The following CDH12 variants were observed in gnomAD, a reference collection of about 807,000 sequenced individuals.
CDH12 encodes cadherin-12.
Under a neutral mutation model 74.1 loss-of-function variants are expected in CDH12, and 41 were observed. That is an observed-to-expected ratio of 0.55 (90% CI 0.43 to 0.72). The LOEUF is 0.72. Among genes scored for constraint, CDH12 ranks in the 30% least tolerant of loss-of-function variants. The pLI is 0.00. For missense variants in CDH12, 945 were observed against 977.2 expected (o/e 0.97, Z 0.44); for synonymous variants, 399 against 355.0 (o/e 1.12, Z -1.39).
chr5:22,573,816 T>C (rs781575549), intron 1 of CDH12, among the ~76,000 whole-genome samples: 8 of 152,082 alleles, frequency 5.3e-5, no homozygotes, highest in Admixed American at 1.3e-4. Context: ...CAATATGAAA[T>C]TGATATATTG....
At chr5:22,378,670 G>A (rs1741638192) in intron 3 of CDH12, among the ~76,000 whole-genome samples, 1 of 152,008 alleles carries the variant, frequency 6.6e-6, no homozygotes, top group Non-Finnish European at 1.5e-5. Flanking sequence ...CTATTGAGTT[G>A]TGTCTCTTTA....
intron 7 of CDH12, among the ~76,000 whole-genome samples, chr5:21,849,605 T>C (rs1227926425): frequency 6.6e-6 from 1 of 151,826 alleles, no homozygotes; most frequent in Non-Finnish European, 1.5e-5. Context: ...TGGCAACTTA[T>C]TTATTCTGGC....
intron 1 of CDH12, among the ~76,000 whole-genome samples, chr5:22,713,284 G>A (rs1274338184): frequency 2.0e-5 from 3 of 151,540 alleles, no homozygotes; most frequent in Non-Finnish European, 4.4e-5. Context: ...GGGACTACAG[G>A]CACAAACCAC....
chr5:21,860,438 G>C (rs775434532), intron 6 of CDH12, among the ~76,000 whole-genome samples: 6 of 149,954 alleles, frequency 4.0e-5, no homozygotes, highest in Non-Finnish European at 5.9e-5. Flanking sequence ...GACAAGAGGT[G>C]GACTTGTGAT....
intron 6 of CDH12, among the ~76,000 whole-genome samples, chr5:21,952,538 C>T (rs1407408919): frequency 6.6e-6 from 1 of 152,174 alleles, no homozygotes; most frequent in Non-Finnish European, 1.5e-5. Context: ...TTCCTGTATT[C>T]TTTCCTTCTG....
At chr5:22,263,238 G>A (rs1017980511) in intron 3 of CDH12, among the ~76,000 whole-genome samples, 2 of 152,066 alleles carry the variant, frequency 1.3e-5, no homozygotes, top group Non-Finnish European at 2.9e-5. Context: ...AAGCTTGAGT[G>A]TTTCATCTCA....
intron 1 of CDH12, among the ~76,000 whole-genome samples, chr5:22,560,559 G>A (rs954541676): frequency 6.6e-6 from 1 of 151,630 alleles, no homozygotes; most frequent in African/African-American, 2.4e-5. Context: ...AAAAGGTATT[G>A]CAATTTTTCA....
intron 1 of CDH12, among the ~76,000 whole-genome samples, chr5:22,823,333 T>C (rs1288530583): frequency 1.3e-4 from 19 of 151,624 alleles, no homozygotes; most frequent in Non-Finnish European, 2.5e-4. Flanking sequence ...TGTATACATA[T>C]GTAACAAACC....
intron 1 of CDH12, among the ~76,000 whole-genome samples, chr5:22,759,482 C>G (rs558452128): frequency 6.6e-6 from 1 of 152,194 alleles, no homozygotes; most frequent in East Asian, 1.9e-4. Context: ...CTGAATAGAT[C>G]TCTCATCAGG....
intron 1 of CDH12, among the ~76,000 whole-genome samples, chr5:22,676,191 T>C (rs919734599): frequency 4.6e-5 from 7 of 152,030 alleles, no homozygotes; most frequent in Non-Finnish European, 1.0e-4. Flanking sequence ...TTTTCTAATA[T>C]TTGATAAATA....
intron 4 of CDH12, among the ~76,000 whole-genome samples, chr5:22,154,193 G>C (rs1252537709): frequency 6.6e-6 from 1 of 150,578 alleles, no homozygotes; most frequent in Non-Finnish European, 1.5e-5. Flanking sequence ...CCACAATCAA[G>C]CTAGTTAACA....
rs34776687 is a variant in CDH12 at position 22,355,514 on chromosome 5, T to TAAA, written c.-333+49740_-333+49742dup. Among the ~76,000 whole-genome samples, 542 of 139,060 alleles carry TAAA rather than the reference T, an allele frequency of 3.9e-3. 3 individuals are homozygous for TAAA. Among genetic ancestry groups the TAAA allele is most frequent in the African/African-American group, 0.013 (482 of 36,416 alleles). 91.2% of individuals were successfully genotyped at this position (139,060 alleles called of 152,430 possible). ...AAGGAGAGAGATATATATATTTCCT[T>TAAA]AAAAAAAAAATATATATATATATAT... On this transcript the variant is annotated intron_variant, in intron 3 of 14. Transcript: ENST00000382254.
At chr5:21,793,024 G>C (rs1272358740) in intron 10 of CDH12, among the ~76,000 whole-genome samples, 1 of 151,676 alleles carries the variant, frequency 6.6e-6, no homozygotes, top group African/African-American at 2.4e-5. Context: ...TTTGACTCTA[G>C]GGACTTCAGA....
At chr5:21,800,374 C>T (rs1345518490) in intron 10 of CDH12, among the ~76,000 whole-genome samples, 4 of 151,990 alleles carry the variant, frequency 2.6e-5, no homozygotes, top group Non-Finnish European at 5.9e-5. Flanking sequence ...TATGTATCCC[C>T]CCAAAATTCA....
intron 2 of CDH12, among the ~76,000 whole-genome samples, chr5:22,460,713 ATT>A (rs3039460): frequency 8.3e-4 from 71 of 85,598 alleles, no homozygotes; most frequent in African/African-American, 3.1e-3. Context: ...ATATCTAGCA[ATT>A]TTTTTTTTTT....
chr5:22,160,282 C>T (rs1183297560), intron 4 of CDH12, among the ~76,000 whole-genome samples: 1 of 152,098 alleles, frequency 6.6e-6, no homozygotes, highest in African/African-American at 2.4e-5. Context: ...AAATTATTAA[C>T]ATGCTGCTTT....
At chr5:21,972,215 G>T (rs1756881286) in intron 6 of CDH12, among the ~76,000 whole-genome samples, 1 of 152,002 alleles carries the variant, frequency 6.6e-6, no homozygotes, top group African/African-American at 2.4e-5. Context: ...TTACAAAACA[G>T]GTTATTTCAC....
In CDH12 at chr5:22,780,122, G is replaced by A. The variant is rs1747312399; in HGVS notation, c.-523+72936C>T. Among the ~76,000 whole-genome samples the A allele has an allele frequency of 2.0e-5, 3 of 152,192 alleles. 1 individual carries two copies. Among genetic ancestry groups the A allele is most frequent in the South Asian group, 4.1e-4 (2 of 4,830 alleles). On this transcript the variant is annotated intron_variant, in intron 1 of 14. Coordinates refer to ENST00000382254, the MANE Select transcript of CDH12 (RefSeq NM_004061.5). ...GTAATCTAGCCAGGCACAGTGGCTC[G>A]TTTTTGCAATCCCAGCACTTTTGGA... is the stretch of plus-strand genomic sequence containing the variant.
chr5:22,627,377 C>T (rs554501277), intron 1 of CDH12, among the ~76,000 whole-genome samples: 3 of 151,352 alleles, frequency 2.0e-5, no homozygotes, highest in African/African-American at 7.3e-5. Flanking sequence ...ACCCATCAGG[C>T]TAACATCAGA....
Sources: gnomAD v4.1 joint callset for allele counts (sites outside exome capture counted in the v4.1 genomes callset) on GRCh38, gnomAD v4.1.1 for gene constraint, MANE v1.5 for transcripts, NCBI Gene and HGNC (gene_info 2026-07-23, HGNC 2026-07-21) for gene names.